The following GRM8 variants were observed in gnomAD, a reference collection of about 807,000 sequenced individuals.
GRM8 encodes the protein metabotropic glutamate receptor 8.
GRM8 carries 47 observed loss-of-function variants against 87.2 expected under a neutral mutation model. The observed-to-expected ratio is 0.54, with a 90% CI of 0.43 to 0.69. The LOEUF is 0.69. GRM8 is among the 30% of genes least tolerant of loss of function. The pLI is 0.00. For synonymous variants in GRM8, 396 were observed against 404.5 expected (o/e 0.98, Z 0.25); for missense variants, 1,019 against 1,139.2 (o/e 0.89, Z 1.52).
chr7:126,688,629 A>T (rs1282997672), intron 7 of GRM8, among the ~76,000 whole-genome samples: 1 of 152,154 alleles, frequency 6.6e-6, no homozygotes, highest in Non-Finnish European at 1.5e-5. Context: ...AAAAAATACC[A>T]GAAGTTTGGC....
chr7:126,548,040 G>A (rs889172884), intron 8 of GRM8, among the ~76,000 whole-genome samples: 34 of 152,178 alleles, frequency 2.2e-4, no homozygotes, highest in African/African-American at 7.2e-4. Context: ...TCCTCAGAAC[G>A]GCAGTCAAGG....
intron 3 of GRM8, 113 bp from the exon 4 acceptor site, chr7:126,904,796 A>C: frequency 1.1e-6 from 1 of 919,856 alleles, no homozygotes; most frequent in Admixed American, 2.1e-5. Context: ...ATTTCTCAAA[A>C]TATGTGTCAC....
At chr7:126,820,828 C>T (rs75843036) in intron 6 of GRM8, among the ~76,000 whole-genome samples, 3,553 of 152,288 alleles carry the variant, frequency 0.023, 149 homozygotes, top group African/African-American at 0.081. Context: ...TCCTAGGGCA[C>T]GGTGGCTCAT....
At chr7:126,706,327 C>T (rs1160375849) in intron 7 of GRM8, among the ~76,000 whole-genome samples, 2 of 152,050 alleles carry the variant, frequency 1.3e-5, no homozygotes, top group Non-Finnish European at 2.9e-5. Flanking sequence ...GGTGAGTTGG[C>T]CAGCTGGAGA....
intron 8 of GRM8, among the ~76,000 whole-genome samples, chr7:126,556,347 A>AAT: frequency 6.6e-6 from 1 of 150,538 alleles, no homozygotes; most frequent in East Asian, 2.0e-4. Flanking sequence ...TAAAAAAAAA[A>AAT]AAAAAAAAAA....
At chr7:126,909,018 G>A (rs1433738641) in intron 3 of GRM8, among the ~76,000 whole-genome samples, 3 of 152,192 alleles carry the variant, frequency 2.0e-5, no homozygotes, top group Non-Finnish European at 4.4e-5. Context: ...AAACCAGACA[G>A]CTAATCTGTT....
Position 126,957,566 on chromosome 7 carries a change from G to C in GRM8, c.728-52883C>G, listed in dbSNP as rs144905240. On this transcript the variant is annotated intron_variant, in intron 3 of 10. Coordinates refer to ENST00000339582, the MANE Select transcript of GRM8 (RefSeq NM_000845.3). ...CTCTCTGCTCCCAGCACCGGCTCGA[G>C]TGCAGAGTAAAGTTGCAGCTGAGCC... Among the ~76,000 whole-genome samples, 493 of 152,308 alleles carry C rather than the reference G, an allele frequency of 3.2e-3. 4 individuals are homozygous for C. The highest frequency in any genetic ancestry group is 0.011 in the African/African-American group (454 of 41,562).
intron 3 of GRM8, among the ~76,000 whole-genome samples, chr7:127,015,196 G>T (rs1586756804): frequency 1.3e-5 from 1 of 74,248 alleles, no homozygotes; most frequent in Non-Finnish European, 2.7e-5. Context: ...AGAAGAAGAA[G>T]AAGAAGAAGA....
At chr7:127,213,268 T>C (rs1254832992) in intron 2 of GRM8, among the ~76,000 whole-genome samples, 1 of 152,236 alleles carries the variant, frequency 6.6e-6, no homozygotes, top group African/African-American at 2.4e-5. Flanking sequence ...TGCACTATTA[T>C]GGTAGCCACT....
At chr7:126,956,058 G>T (rs1051318851) in intron 3 of GRM8, among the ~76,000 whole-genome samples, 1 of 152,090 alleles carries the variant, frequency 6.6e-6, no homozygotes, top group African/African-American at 2.4e-5. Context: ...CGAATTTGAC[G>T]TGTCCAACAG....
intron 6 of GRM8, among the ~76,000 whole-genome samples, chr7:126,834,514 T>C (rs1245693301): frequency 1.3e-5 from 2 of 152,214 alleles, no homozygotes; most frequent in Non-Finnish European, 2.9e-5. Context: ...TTGTCTTCTG[T>C]GATAAACATG....
chr7:127,123,438 A>C (rs1827193754), intron 2 of GRM8, among the ~76,000 whole-genome samples: 1 of 152,070 alleles, frequency 6.6e-6, no homozygotes, highest in African/African-American at 2.4e-5. Flanking sequence ...CTAGTTATTT[A>C]AAAGAGCCTG....
chr7:126,439,227 T>C, intron 10 of GRM8, 59 bp from the exon 11 acceptor site: 1 of 961,518 alleles, frequency 1.0e-6, no homozygotes, highest in South Asian at 1.3e-5. Context: ...CTTTTGTTAA[T>C]ATGATTTTAA....
intron 7 of GRM8, among the ~76,000 whole-genome samples, chr7:126,663,974 C>G (rs148729778): frequency 2.9e-4 from 44 of 152,260 alleles, no homozygotes; most frequent in Admixed American, 9.8e-4. Context: ...GTGGAGAAAT[C>G]AGTAGCATTT....
chr7:126,678,904 G>A (rs1358770489), intron 7 of GRM8, among the ~76,000 whole-genome samples: 3 of 152,194 alleles, frequency 2.0e-5, no homozygotes, highest in African/African-American at 4.8e-5. Context: ...CTGTTTTTAA[G>A]TATAGAAATG....
chr7:127,059,579 A>G (rs974842330), intron 3 of GRM8, among the ~76,000 whole-genome samples: 2 of 151,802 alleles, frequency 1.3e-5, no homozygotes, highest in African/African-American at 4.8e-5. Context: ...TTGTGATTGC[A>G]CCCGCCTTGG....
At position 126,717,061 on chromosome 7, in the gene GRM8, G is replaced by C. The variant is rs368879990; in HGVS notation, c.1357+52804C>G. ...AGGGAGTAAGATCATTTGCCTGAGA[G>C]ATGCAGCAGATTATGAAAATGACTT... On this transcript the variant is annotated intron_variant, in intron 7 of 10. Coordinates refer to ENST00000339582, the MANE Select transcript of GRM8 (RefSeq NM_000845.3). 8.1e-4 allele frequency among the ~76,000 whole-genome samples: 123 copies of C among 152,318 alleles called. 3 individuals are homozygous for C. In the South Asian group the frequency reaches 0.02, roughly 24 times the overall value.
chr7:126,444,958 C>A (rs896580806), intron 10 of GRM8, among the ~76,000 whole-genome samples: 1 of 151,638 alleles, frequency 6.6e-6, no homozygotes, highest in Non-Finnish European at 1.5e-5. Flanking sequence ...CCAGCCTGGG[C>A]AACAGAGTGA....
chr7:126,669,880 A>G (rs1187035734), intron 7 of GRM8, among the ~76,000 whole-genome samples: 1 of 152,254 alleles, frequency 6.6e-6, no homozygotes, highest in Non-Finnish European at 1.5e-5. Flanking sequence ...TTTAAATTAG[A>G]TAAGAGAAAG....
Sources: gnomAD v4.1 joint callset for allele counts (sites outside exome capture counted in the v4.1 genomes callset) on GRCh38, gnomAD v4.1.1 for gene constraint, MANE v1.5 for transcripts, NCBI Gene and HGNC (gene_info 2026-07-23, HGNC 2026-07-21) for gene names.